Variants in RBM47 observed in about 807,000 individuals in gnomAD.
The protein encoded by RBM47 is RNA-binding protein 47.
RBM47 carries 21 observed loss-of-function variants against 47.1 expected under a neutral mutation model. The observed-to-expected ratio is 0.45, with a 90% CI of 0.32 to 0.64. The LOEUF (loss-of-function observed/expected upper bound fraction) is 0.64, where lower values mean the gene tolerates loss of function less well. Among genes scored for constraint, RBM47 ranks in the 30% least tolerant of loss-of-function variants. RBM47 has a pLI of 0.05. For missense variants in RBM47, 708 were observed against 870.9 expected (o/e 0.81, Z 2.35); for synonymous variants, 375 against 361.7 (o/e 1.04, Z -0.42).
chr4:40,544,311 G>C (rs564784273), intron 2 of RBM47, 111 bp downstream of exon 2: 3 of 152,134 alleles, frequency 2.0e-5, no homozygotes, highest in Non-Finnish European at 4.4e-5. Flanking sequence ...AAAAACAAAG[G>C]GGGGTGGCAA....
At position 40,423,590 on chromosome 4, in the gene RBM47, T is replaced by C. The variant is rs935564831; in HGVS notation, c.*2314A>G. The C allele has an allele frequency of 6.6e-6, 1 of 152,154 alleles. No homozygotes were observed. The highest frequency in any genetic ancestry group is 1.5e-5 in the Non-Finnish European group (1 of 68,032). 9.4% of individuals were successfully genotyped at this position (152,154 alleles called of 1,614,324 possible). ...GATACTTAATTGGCCATGTCACCAA[T>C]GTTTGTTTTTAAGGGAGTTTGGTGG... On this transcript the variant is annotated 3_prime_UTR_variant, in exon 7 of 7. Coordinates refer to ENST00000295971, the MANE Select transcript of RBM47 (RefSeq NM_001098634.2).
chr4:40,579,504 A>T (rs376102033), intron 1 of RBM47, among the ~76,000 whole-genome samples: 1 of 152,026 alleles, frequency 6.6e-6, no homozygotes, highest in Admixed American at 6.6e-5. Flanking sequence ...GTAAAACTCT[A>T]TAACTTTAAG....
At chr4:40,580,460 C>A (rs949214894) in intron 1 of RBM47, among the ~76,000 whole-genome samples, 9 of 79,636 alleles carry the variant, frequency 1.1e-4, no homozygotes, top group Non-Finnish European at 2.2e-4. Context: ...AGATCAGGAA[C>A]CTCAGGCACG....
Position 40,438,819 on chromosome 4 carries a change from G to T in RBM47, c.75C>A (p.Gly25=). 1.3e-6 allele frequency: 2 copies of T among 1,556,030 alleles called. No individual in the cohort carries two copies. Among genetic ancestry groups the T allele is most frequent in the Non-Finnish European group, 1.7e-6 (2 of 1,155,974 alleles). Residue 25 remains glycine, a synonymous_variant, in exon 4 of 7, where the codon GGC becomes GGA. Transcript: ENST00000295971. Reference sequence around the variant, plus strand: ...CTGCCTCGTTGGGCGCGCCCGCCACGCCCTCGGGCACCTTGGCGGAGGACC... The same window carrying T: ...CTGCCTCGTTGGGCGCGCCCGCCACTCCCTCGGGCACCTTGGCGGAGGACC... The part of the protein sequence containing the change: ...AAGSSAKVPE[G]VAGAPNEAAL...
chr4:40,598,203 G>A (rs893898297), intron 1 of RBM47, among the ~76,000 whole-genome samples: 20 of 152,262 alleles, frequency 1.3e-4, no homozygotes, highest in African/African-American at 4.3e-4. Context: ...AATAAAGTGC[G>A]CACACAGGAG....
chr4:40,456,279 C>A (rs1352399360), intron 3 of RBM47, among the ~76,000 whole-genome samples: 9 of 152,048 alleles, frequency 5.9e-5, no homozygotes, highest in African/African-American at 1.9e-4. Context: ...AAGAGAGAAA[C>A]CCGGGCATAA....
At chr4:40,448,499 C>T (rs1422806915) in intron 3 of RBM47, among the ~76,000 whole-genome samples, 1 of 152,172 alleles carries the variant, frequency 6.6e-6, no homozygotes. Context: ...GGTTAGATTT[C>T]TATTTTGATG....
At chr4:40,507,419 C>A (rs543680922) in intron 2 of RBM47, among the ~76,000 whole-genome samples, 51 of 152,170 alleles carry the variant, frequency 3.4e-4, no homozygotes, top group Middle Eastern at 3.4e-3. Flanking sequence ...TCAAAAATTG[C>A]TAAATGAAAG....
intron 2 of RBM47, among the ~76,000 whole-genome samples, chr4:40,518,777 A>G (rs1725882996): frequency 2.0e-5 from 3 of 151,714 alleles, no homozygotes. Context: ...CATAAAATAC[A>G]CTGATACTAA....
At chr4:40,545,905 T>C (rs1222733289) in intron 1 of RBM47, among the ~76,000 whole-genome samples, 1 of 152,030 alleles carries the variant, frequency 6.6e-6, no homozygotes, top group Non-Finnish European at 1.5e-5. Context: ...GTTGGAGACA[T>C]TGTGACAAGA....
intron 3 of RBM47, among the ~76,000 whole-genome samples, chr4:40,466,253 G>A (rs1717998016): frequency 7.4e-6 from 1 of 135,170 alleles, no homozygotes. Flanking sequence ...GGGTAACAGA[G>A]TGAGACTGTC....
intron 1 of RBM47, among the ~76,000 whole-genome samples, chr4:40,622,449 G>A (rs539026518): frequency 1.3e-5 from 2 of 152,348 alleles, no homozygotes; most frequent in South Asian, 4.1e-4. Flanking sequence ...AGCAGAGGAA[G>A]TAAGGATGTG....
At chr4:40,587,475 G>A (rs1053106668) in intron 1 of RBM47, among the ~76,000 whole-genome samples, 10 of 152,146 alleles carry the variant, frequency 6.6e-5, no homozygotes, top group African/African-American at 2.2e-4. Context: ...CACACAGAAA[G>A]AGAAAAAGAA....
At chr4:40,561,227 C>CTTTTTTT (rs1176318537) in intron 1 of RBM47, among the ~76,000 whole-genome samples, 4 of 113,644 alleles carry the variant, frequency 3.5e-5, no homozygotes, top group African/African-American at 6.8e-5. Context: ...TTTCCATTGT[C>CTTTTTTT]TTTTTTTTTT....
At chr4:40,579,190 A>G (rs1465663861) in intron 1 of RBM47, among the ~76,000 whole-genome samples, 1 of 151,936 alleles carries the variant, frequency 6.6e-6, no homozygotes, top group Non-Finnish European at 1.5e-5. Context: ...TGGGAGGCCA[A>G]GACTGGCGGA....
At chr4:40,532,741 A>G (rs1319862102) in intron 2 of RBM47, among the ~76,000 whole-genome samples, 1 of 151,500 alleles carries the variant, frequency 6.6e-6, no homozygotes, top group East Asian at 1.9e-4. Context: ...ATTAAAGGTC[A>G]GATGAGATTT....
At chr4:40,521,053 A>G (rs1726144551) in intron 2 of RBM47, among the ~76,000 whole-genome samples, 1 of 152,196 alleles carries the variant, frequency 6.6e-6, no homozygotes, top group South Asian at 2.1e-4. Flanking sequence ...TATACTAGTA[A>G]TTGTGGCATT....
chr4:40,575,552 C>CAAAAAAAAAAAAAAAAAAAAA (rs33963787), intron 1 of RBM47, among the ~76,000 whole-genome samples: 1 of 98,358 alleles, frequency 1.0e-5, no homozygotes, highest in Non-Finnish European at 2.2e-5. Flanking sequence ...AACTCCATCT[C>CAAAAAAAAAAAAAAAAAAAAA]AAAAAAAAAA....
chr4:40,449,105 T>C (rs1270294113), intron 3 of RBM47, among the ~76,000 whole-genome samples: 1 of 152,172 alleles, frequency 6.6e-6, no homozygotes, highest in Non-Finnish European at 1.5e-5. Flanking sequence ...TTCTATTACC[T>C]CAGAGTTTGA....
Sources: gnomAD v4.1 joint callset for allele counts (sites outside exome capture counted in the v4.1 genomes callset) on GRCh38, gnomAD v4.1.1 for gene constraint, MANE v1.5 for transcripts, NCBI Gene and HGNC (gene_info 2026-07-23, HGNC 2026-07-21) for gene names.